Variants in SPOCK1 observed in about 807,000 individuals in gnomAD.
The protein encoded by SPOCK1 is testican-1.
In SPOCK1, 23 loss-of-function variants were observed where a neutral mutation model predicts 55.3. The observed-to-expected ratio is 0.42, with a 90% CI of 0.30 to 0.59. The LOEUF (loss-of-function observed/expected upper bound fraction) is 0.59, where lower values mean the gene tolerates loss of function less well. Ranked by LOEUF, SPOCK1 falls within the 20% of genes least tolerant of loss-of-function variation. SPOCK1 has a pLI of 0.22. For missense variants in SPOCK1, 499 were observed against 552.5 expected, an observed-to-expected ratio of 0.90 and a Z score of 0.97; for synonymous variants, 226 against 221.0, an observed-to-expected ratio of 1.02 and a Z score of -0.20.
intron 2 of SPOCK1, among the ~76,000 whole-genome samples, chr5:137,384,563 C>T (rs987057744): frequency 6.0e-5 from 8 of 133,472 alleles, no homozygotes; most frequent in African/African-American, 2.8e-4. Flanking sequence ...TACATACATA[C>T]ATATATATAT....
At chr5:137,326,907 G>T (rs536391171) in intron 2 of SPOCK1, among the ~76,000 whole-genome samples, 1 of 152,154 alleles carries the variant, frequency 6.6e-6, no homozygotes. Flanking sequence ...TCCTCAAGTG[G>T]TGTGTATTTT....
chr5:137,069,855 T>G (rs1231808339), intron 5 of SPOCK1, among the ~76,000 whole-genome samples: 1 of 152,210 alleles, frequency 6.6e-6, no homozygotes, highest in African/African-American at 2.4e-5. Context: ...AAGTCAAAAT[T>G]ATTACCTTTG....
intron 7 of SPOCK1, 112 bp from the exon 8 acceptor site, chr5:136,988,755 T>C: frequency 1.1e-6 from 1 of 890,208 alleles, no homozygotes; most frequent in Non-Finnish European, 1.7e-6. Context: ...ACTCCCTTCC[T>C]GAGGCTGTTT....
intron 3 of SPOCK1, among the ~76,000 whole-genome samples, chr5:137,227,814 C>T (rs915573673): frequency 2.4e-4 from 36 of 152,130 alleles, no homozygotes; most frequent in African/African-American, 8.0e-4. Flanking sequence ...CAGATTTGTG[C>T]CATAAGCTTG....
intron 2 of SPOCK1, among the ~76,000 whole-genome samples, chr5:137,376,706 T>C (rs566906837): frequency 6.6e-6 from 1 of 152,312 alleles, no homozygotes; most frequent in South Asian, 2.1e-4. Flanking sequence ...TTTCAGGCTC[T>C]TGTTTTTTTT....
chr5:137,454,337 C>A (rs927837974), intron 2 of SPOCK1, among the ~76,000 whole-genome samples: 35 of 152,154 alleles, frequency 2.3e-4, no homozygotes, highest in Non-Finnish European at 3.8e-4. Flanking sequence ...GGATCTCCCC[C>A]AAAATACCTA....
At chr5:137,297,533 C>T (rs528560197) in intron 2 of SPOCK1, among the ~76,000 whole-genome samples, 13 of 152,114 alleles carry the variant, frequency 8.5e-5, no homozygotes, top group South Asian at 2.1e-4. Context: ...GTTTTAACAA[C>T]GATAAGTATC....
At chr5:137,469,966 G>T (rs2149839364) in intron 2 of SPOCK1, among the ~76,000 whole-genome samples, 1 of 152,288 alleles carries the variant, frequency 6.6e-6, no homozygotes, top group South Asian at 2.1e-4. Context: ...CCCAGAGGCT[G>T]GCTGTGAAAA....
intron 2 of SPOCK1, among the ~76,000 whole-genome samples, chr5:137,293,517 G>A (rs1221399467): frequency 6.6e-6 from 1 of 152,100 alleles, no homozygotes; most frequent in African/African-American, 2.4e-5. Context: ...CAGATCCCTG[G>A]GACTTACCCA....
At position 136,988,630 on chromosome 5, in the gene SPOCK1, G is replaced by A; in HGVS notation, c.720C>T (p.Ser240=). The A allele has an allele frequency of 6.2e-7, 1 of 1,612,814 alleles. No homozygotes were observed. Among genetic ancestry groups the A allele is most frequent in the African/African-American group, 1.3e-5 (1 of 75,028 alleles). The stretch of plus-strand genomic sequence containing the variant: ...GGGAGTCCTTGCAGATGGGCAGGAT[G>A]CTAGTGTCAAACCCTGCCAAACAAA... The part of the protein sequence containing the change: ...SNTAQGRFDT[S]ILPICKDSLG... Residue 240 remains serine, a synonymous_variant, in exon 8 of 11, where the codon AGC becomes AGT. Coordinates refer to ENST00000394945, the MANE Select transcript of SPOCK1 (RefSeq NM_004598.4).
At chr5:137,031,046 C>G (rs1365935557) in intron 6 of SPOCK1, among the ~76,000 whole-genome samples, 1 of 152,106 alleles carries the variant, frequency 6.6e-6, no homozygotes, top group African/African-American at 2.4e-5. Flanking sequence ...ATTAATATTT[C>G]CCACATGTTC....
At chr5:137,242,672 A>G (rs1341124675) in intron 3 of SPOCK1, among the ~76,000 whole-genome samples, 1 of 152,178 alleles carries the variant, frequency 6.6e-6, no homozygotes, top group Non-Finnish European at 1.5e-5. Flanking sequence ...CAGGAGGTCG[A>G]GGCTGTAGTG....
At chr5:136,982,830 T>TAGTAAGCTGACTGAATCTTAGATGGTTTC (rs1347933581) in intron 9 of SPOCK1, among the ~76,000 whole-genome samples, 1 of 152,208 alleles carries the variant, frequency 6.6e-6, no homozygotes, top group African/African-American at 2.4e-5. Flanking sequence ...AGTCTGGGGT[T>TAGTAAGCTGACTGAATCTTAGATGGTTTC]AGTAAGCTGA....
intron 2 of SPOCK1, among the ~76,000 whole-genome samples, chr5:137,496,891 C>T (rs543458985): frequency 9.9e-5 from 15 of 152,162 alleles, no homozygotes; most frequent in African/African-American, 2.6e-4. Flanking sequence ...ATTACAATTT[C>T]GATAAAAGGC....
chr5:137,219,043 G>C (rs559569563), intron 3 of SPOCK1, among the ~76,000 whole-genome samples: 2 of 152,250 alleles, frequency 1.3e-5, no homozygotes, highest in South Asian at 4.1e-4. Context: ...GAAGAAACCT[G>C]TTTTATACAA....
intron 2 of SPOCK1, among the ~76,000 whole-genome samples, chr5:137,430,696 G>A (rs1400794290): frequency 1.3e-5 from 2 of 152,138 alleles, no homozygotes; most frequent in African/African-American, 2.4e-5. Context: ...GTTAAAATGC[G>A]GCAGAGGAAC....
chr5:137,403,962 T>C (rs1752039754), intron 2 of SPOCK1, among the ~76,000 whole-genome samples: 1 of 152,112 alleles, frequency 6.6e-6, no homozygotes, highest in South Asian at 2.1e-4. Flanking sequence ...GTGCTGAGCA[T>C]TGACTCAGGC....
rs370369124 is a variant in SPOCK1 at position 137,480,955 on chromosome 5, A to G, written c.186+17418T>C. 5.3e-5 allele frequency among the ~76,000 whole-genome samples: 8 copies of G among 152,350 alleles called. No homozygotes were observed. In the East Asian group the frequency reaches 1.2e-3, roughly 22 times the overall value. On this transcript the variant is annotated intron_variant, in intron 2 of 10. Coordinates refer to ENST00000394945, the MANE Select transcript of SPOCK1 (RefSeq NM_004598.4). ...CTTTTGAGAACCTTCATTGTGGGTTATGATTTTGAGTATTCTTTAATATTT... is the reference window on the plus strand; with the variant it reads ...CTTTTGAGAACCTTCATTGTGGGTTGTGATTTTGAGTATTCTTTAATATTT...
chr5:137,446,479 C>T (rs1324824990), intron 2 of SPOCK1, among the ~76,000 whole-genome samples: 1 of 152,120 alleles, frequency 6.6e-6, no homozygotes, highest in African/African-American at 2.4e-5. Flanking sequence ...CAGCAGGATC[C>T]CACAGGTGAG....
Sources: allele counts gnomAD v4.1 joint callset (sites outside exome capture counted in the v4.1 genomes callset), GRCh38; gene constraint gnomAD v4.1.1; transcripts MANE v1.5; gene names NCBI Gene and HGNC (gene_info 2026-07-23, HGNC 2026-07-21).